ADGRB3: variants seen among roughly 807,000 people sequenced by gnomAD.
ADGRB3 encodes adhesion G protein-coupled receptor B3, also known as brain-specific angiogenesis inhibitor 3.
ADGRB3 carries 37 observed loss-of-function variants against 193.4 expected under a neutral mutation model. The ratio of observed to expected loss-of-function variants is 0.19; its 90% CI spans 0.15 to 0.25. The LOEUF (loss-of-function observed/expected upper bound fraction) is 0.25, where lower values mean the gene tolerates loss of function less well. Ranked by LOEUF, ADGRB3 falls within the 10% of genes least tolerant of loss-of-function variation. The pLI, the probability that ADGRB3 is intolerant of heterozygous loss-of-function variation, is 1.00. For synonymous variants in ADGRB3, 690 were observed against 644.2 expected (o/e 1.07, Z -1.08); for missense variants, 1,637 against 1,852.9 (o/e 0.88, Z 2.14).
At chr6:68,850,643 C>T (rs1159585099) in intron 3 of ADGRB3, among the ~76,000 whole-genome samples, 1 of 151,984 alleles carries the variant, frequency 6.6e-6, no homozygotes, top group Non-Finnish European at 1.5e-5. Flanking sequence ...CAACATGCAT[C>T]TTCTCCTACG....
At chr6:68,963,179 A>G (rs1007696884) in intron 8 of ADGRB3, among the ~76,000 whole-genome samples, 3 of 152,136 alleles carry the variant, frequency 2.0e-5, no homozygotes, top group African/African-American at 7.2e-5. Flanking sequence ...GAAGAGCCTG[A>G]ACTATGGAGT....
At chr6:68,991,690 C>T (rs777647568) in intron 10 of ADGRB3, among the ~76,000 whole-genome samples, 16 of 152,024 alleles carry the variant, frequency 1.1e-4, no homozygotes, top group Non-Finnish European at 2.1e-4. Flanking sequence ...GGAAGAACTC[C>T]GCAGAAACTA....
In ADGRB3 at chr6:68,639,426, A is replaced by C. The variant is rs751903233; in HGVS notation, c.751A>C (p.Lys251Gln). The change falls in exon 3 of 32, where the codon AAA becomes CAA. Residue 251 changes from lysine to glutamine, a missense_variant. Physicochemically the swap from Lys to Gln is moderately conservative, Grantham distance 53. Around this residue, in one of 7 missense-constraint regions of ADGRB3, gnomAD observed 365 missense variants for 409.8 expected, o/e 0.89. Coordinates refer to ENST00000370598, the MANE Select transcript of ADGRB3 (RefSeq NM_001704.3). ...TACCAGGGAGGCCAAGCGACCACCCAAAGAAGGTAAGTGCCAAAGAGAGGG... is the reference window on the plus strand; with the variant it reads ...TACCAGGGAGGCCAAGCGACCACCCCAAGAAGGTAAGTGCCAAAGAGAGGG... ...NLTREAKRPPKEEFGMMGDHT... is the reference protein window; with the variant it reads ...NLTREAKRPPQEEFGMMGDHT... 6.2e-7 allele frequency: 1 copy of C among 1,604,340 alleles called. No individual in the cohort carries two copies. Among genetic ancestry groups the C allele is most frequent in the Non-Finnish European group, 8.5e-7 (1 of 1,175,340 alleles).
intron 3 of ADGRB3, among the ~76,000 whole-genome samples, chr6:68,866,477 T>G (rs935105766): frequency 6.6e-6 from 1 of 152,130 alleles, no homozygotes; most frequent in Non-Finnish European, 1.5e-5. Flanking sequence ...TATAGCAGTG[T>G]GAAAATGGAT....
At chr6:69,275,787 G>T (rs1299852313) in intron 20 of ADGRB3, among the ~76,000 whole-genome samples, 2 of 152,026 alleles carry the variant, frequency 1.3e-5, no homozygotes, top group Non-Finnish European at 2.9e-5. Flanking sequence ...CAGTACATGG[G>T]AGTATGTGAA....
chr6:68,822,123 A>G (rs1420443554), intron 3 of ADGRB3, among the ~76,000 whole-genome samples: 1 of 151,868 alleles, frequency 6.6e-6, no homozygotes, highest in African/African-American at 2.4e-5. Context: ...TTCCTCCTAG[A>G]TATGTATGTG....
At chr6:69,161,671 A>G (rs543882561) in intron 17 of ADGRB3, among the ~76,000 whole-genome samples, 2 of 152,242 alleles carry the variant, frequency 1.3e-5, no homozygotes, top group East Asian at 3.9e-4. Flanking sequence ...TGCAAATTGC[A>G]ATCAATGTGT....
At chr6:69,077,857 G>A (rs371226945) in intron 17 of ADGRB3, among the ~76,000 whole-genome samples, 1 of 151,874 alleles carries the variant, frequency 6.6e-6, no homozygotes, top group Non-Finnish European at 1.5e-5. Context: ...TGATGTATCC[G>A]AAAAGTGATC....
intron 3 of ADGRB3, among the ~76,000 whole-genome samples, chr6:68,835,268 C>T (rs965585787): frequency 1.1e-4 from 16 of 152,118 alleles, no homozygotes; most frequent in African/African-American, 3.9e-4. Context: ...GGCGATTTGA[C>T]TTGTCATGAT....
intron 4 of ADGRB3, among the ~76,000 whole-genome samples, chr6:68,931,168 A>G (rs1403450124): frequency 6.6e-6 from 1 of 151,994 alleles, no homozygotes; most frequent in Non-Finnish European, 1.5e-5. Context: ...GAGTTTTGTT[A>G]TATAAGCTAA....
intron 13 of ADGRB3, among the ~76,000 whole-genome samples, chr6:69,031,967 C>CA (rs1321642325): frequency 1.3e-5 from 2 of 151,962 alleles, no homozygotes; most frequent in Non-Finnish European, 2.9e-5. Context: ...TGAATTTCTA[C>CA]AAAAAAAGTT....
chr6:69,361,690 G>T (rs1342090444), intron 29 of ADGRB3, among the ~76,000 whole-genome samples, 178 bp downstream of exon 29: 6 of 151,876 alleles, frequency 4.0e-5, no homozygotes, highest in African/African-American at 1.4e-4. Context: ...CAGTCTCAAT[G>T]TAGGGTTTTC....
At chr6:69,340,212 C>A (rs1025301161) in intron 26 of ADGRB3, among the ~76,000 whole-genome samples, 7 of 152,158 alleles carry the variant, frequency 4.6e-5, no homozygotes, top group Non-Finnish European at 7.4e-5. Flanking sequence ...TTCATGAATG[C>A]AGACACTAAC....
chr6:69,207,076 C>T (rs1765555812), intron 17 of ADGRB3, among the ~76,000 whole-genome samples: 2 of 152,152 alleles, frequency 1.3e-5, no homozygotes, highest in African/African-American at 4.8e-5. Flanking sequence ...TCACGCCAGC[C>T]AACACTGTTA....
intron 3 of ADGRB3, among the ~76,000 whole-genome samples, chr6:68,857,279 A>T (rs1416375962): frequency 6.6e-6 from 1 of 152,176 alleles, no homozygotes; most frequent in Admixed American, 6.5e-5. Context: ...CAGACCCCTG[A>T]ATGGTAGATC....
intron 13 of ADGRB3, among the ~76,000 whole-genome samples, chr6:69,040,094 T>G (rs1770985385): frequency 6.6e-6 from 1 of 151,994 alleles, no homozygotes; most frequent in South Asian, 2.1e-4. Context: ...ATAATGAGAG[T>G]GGTGCCAGTC....
intron 3 of ADGRB3, among the ~76,000 whole-genome samples, chr6:68,725,614 A>G (rs9342730): frequency 0.31 from 47,630 of 151,536 alleles, 7,694 homozygotes; most frequent in Middle Eastern, 0.37. Context: ...TGCTGAGTAC[A>G]CTGAAGAACT....
At chr6:68,869,315 C>A (rs967082948) in intron 3 of ADGRB3, among the ~76,000 whole-genome samples, 2 of 151,976 alleles carry the variant, frequency 1.3e-5, no homozygotes, top group Admixed American at 6.6e-5. Flanking sequence ...TTAACTATGA[C>A]TAAAGCCATA....
chr6:69,371,565 A>G (rs1405734697), intron 29 of ADGRB3, among the ~76,000 whole-genome samples: 1 of 152,092 alleles, frequency 6.6e-6, no homozygotes, highest in Non-Finnish European at 1.5e-5. Flanking sequence ...AAAAATTCTA[A>G]ATTTAAAAAA....
Sources: gnomAD v4.1 joint callset for allele counts (sites outside exome capture counted in the v4.1 genomes callset) on GRCh38, gnomAD v4.1.1 for gene constraint, gnomAD v4.1.1 regional missense constraint, MANE v1.5 for transcripts, NCBI Gene and HGNC (gene_info 2026-07-23, HGNC 2026-07-21) for gene names.